The following GRID2 variants were observed in gnomAD, a reference collection of about 807,000 sequenced individuals.
The protein encoded by GRID2 is glutamate ionotropic receptor delta type subunit 2.
Under a neutral mutation model 114.8 loss-of-function variants are expected in GRID2, and 33 were observed. The observed-to-expected ratio is 0.29, with a 90% CI of 0.22 to 0.38. The LOEUF is 0.38. Among genes scored for constraint, GRID2 ranks in the 10% least tolerant of loss-of-function variants. The pLI is 1.00. For missense variants in GRID2, 1,184 were observed against 1,257.7 expected, an observed-to-expected ratio of 0.94 and a Z score of 0.89; for synonymous variants, 505 against 449.9, an observed-to-expected ratio of 1.12 and a Z score of -1.55.
At chr4:93,204,222 T>G (rs1021297266) in intron 4 of GRID2, 1 of 152,156 alleles carries the variant, frequency 6.6e-6, no homozygotes, top group Non-Finnish European at 1.5e-5. Context: ...TGAGGACTAA[T>G]GATTTTAGAA....
intron 2 of GRID2, among the ~76,000 whole-genome samples, chr4:92,760,765 TG>T (rs1737970082): frequency 6.6e-6 from 1 of 152,220 alleles, no homozygotes; most frequent in African/African-American, 2.4e-5. Context: ...TTTTATGATA[TG>T]CTATTTTTCA....
At chr4:93,445,489 C>T (rs1448724416) in intron 10 of GRID2, among the ~76,000 whole-genome samples, 1 of 151,784 alleles carries the variant, frequency 6.6e-6, no homozygotes, top group Non-Finnish European at 1.5e-5. Context: ...TTTTGCTTCC[C>T]TATGTTTTGT....
chr4:92,419,363 G>C (rs1731777248), intron 1 of GRID2, among the ~76,000 whole-genome samples: 1 of 152,118 alleles, frequency 6.6e-6, no homozygotes, highest in Non-Finnish European at 1.5e-5. Context: ...CTGTGGATAT[G>C]GATGAGACTG....
At chr4:92,537,218 G>A (rs1470782645) in intron 1 of GRID2, among the ~76,000 whole-genome samples, 1 of 152,102 alleles carries the variant, frequency 6.6e-6, no homozygotes, top group African/African-American at 2.4e-5. Context: ...ATTCACTTTG[G>A]TTATGAACGT....
chr4:92,348,912 G>A (rs1008899241), intron 1 of GRID2, among the ~76,000 whole-genome samples: 2 of 152,050 alleles, frequency 1.3e-5, no homozygotes, highest in Non-Finnish European at 2.9e-5. Context: ...ATATTAATTA[G>A]TACCTTTGTT....
intron 2 of GRID2, among the ~76,000 whole-genome samples, chr4:92,932,271 G>A (rs1370052623): frequency 6.6e-6 from 1 of 151,190 alleles, no homozygotes; most frequent in Non-Finnish European, 1.5e-5. Context: ...TCACCTTAAT[G>A]TGAGTATGAA....
At chr4:93,319,883 C>T (rs1222337967) in intron 8 of GRID2, 3 of 152,028 alleles carry the variant, frequency 2.0e-5, no homozygotes, top group East Asian at 1.9e-4. Context: ...GATAAGAGTC[C>T]AGCCTACCCA....
chr4:93,216,160 C>T (rs1336907954), intron 5 of GRID2, among the ~76,000 whole-genome samples: 5 of 149,840 alleles, frequency 3.3e-5, no homozygotes, highest in East Asian at 3.9e-4. Flanking sequence ...GAGAAACATA[C>T]GAGTTAACAT....
intron 2 of GRID2, among the ~76,000 whole-genome samples, chr4:92,617,764 G>C (rs1213556041): frequency 6.6e-6 from 1 of 151,644 alleles, no homozygotes. Flanking sequence ...ATTAGTGATA[G>C]TGAGCATTTT....
At chr4:93,332,365 G>C (rs1174290958) in intron 8 of GRID2, among the ~76,000 whole-genome samples, 16 of 150,996 alleles carry the variant, frequency 1.1e-4, no homozygotes, top group Non-Finnish European at 1.8e-4. Flanking sequence ...TTGGTTCTAA[G>C]TCCTAGCTGC....
At chr4:93,115,577 A>G (rs74430848) in intron 4 of GRID2, among the ~76,000 whole-genome samples, 4,272 of 152,204 alleles carry the variant, frequency 0.028, 203 homozygotes, top group African/African-American at 0.097. Context: ...TGGTAAATGT[A>G]TTAGTCCATT....
chr4:93,663,566 A>T (rs1723689178), intron 14 of GRID2, among the ~76,000 whole-genome samples: 1 of 152,188 alleles, frequency 6.6e-6, no homozygotes, highest in South Asian at 2.1e-4. Flanking sequence ...ACCCCAGAGT[A>T]AGAGGGTTAC....
Position 92,925,199 on chromosome 4 carries a change from G to A in GRID2, c.245-159796G>A, listed in dbSNP as rs1749709742. ...TACTTTGGATAAAATTCATTTTATT[G>A]TGTAATCTGGGTATTCCTTCTCTGT... On this transcript the variant is annotated intron_variant, in intron 2 of 15. Transcript: ENST00000282020. Among the ~76,000 whole-genome samples the A allele has an allele frequency of 2.0e-5, 3 of 151,992 alleles. No individual in the cohort carries two copies. In the South Asian group the frequency reaches 6.2e-4, roughly 31 times the overall value.
intron 8 of GRID2, among the ~76,000 whole-genome samples, chr4:93,272,049 C>G (rs1751522572): frequency 6.6e-6 from 1 of 152,092 alleles, no homozygotes; most frequent in Non-Finnish European, 1.5e-5. Flanking sequence ...GGACCAGAAT[C>G]CAGATGACTA....
At chr4:93,272,595 T>C (rs987144574) in intron 8 of GRID2, among the ~76,000 whole-genome samples, 1 of 152,190 alleles carries the variant, frequency 6.6e-6, no homozygotes, top group African/African-American at 2.4e-5. Flanking sequence ...CTATTCACCG[T>C]GAATGCTATG....
At chr4:93,481,864 C>G (rs1725906414) in intron 11 of GRID2, among the ~76,000 whole-genome samples, 1 of 151,768 alleles carries the variant, frequency 6.6e-6, no homozygotes, top group Non-Finnish European at 1.5e-5. Flanking sequence ...TCTTAGATCC[C>G]AGAGGGATTG....
At chr4:92,615,206 A>G (rs564620695) in intron 2 of GRID2, among the ~76,000 whole-genome samples, 1 of 151,602 alleles carries the variant, frequency 6.6e-6, no homozygotes, top group South Asian at 2.1e-4. Context: ...TTTGATACAT[A>G]CCGAGGTGGG....
intron 14 of GRID2, among the ~76,000 whole-genome samples, chr4:93,635,830 A>G (rs116481398): frequency 3.9e-4 from 59 of 152,276 alleles, no homozygotes; most frequent in African/African-American, 1.4e-3. Context: ...TATTTCCAGT[A>G]TGTGAATTTT....
intron 13 of GRID2, among the ~76,000 whole-genome samples, chr4:93,561,797 T>C (rs545693532): frequency 2.0e-5 from 3 of 152,282 alleles, no homozygotes; most frequent in South Asian, 4.1e-4. Context: ...CCTCTTGGGA[T>C]TGGCTTCTTT....
Sources: allele counts gnomAD v4.1 joint callset (sites outside exome capture counted in the v4.1 genomes callset), GRCh38; gene constraint gnomAD v4.1.1; transcripts MANE v1.5; gene names NCBI Gene and HGNC (gene_info 2026-07-23, HGNC 2026-07-21).